The following OSCP1 variants were observed in gnomAD, a reference collection of about 807,000 sequenced individuals.
The protein encoded by OSCP1 is protein OSCP1.
OSCP1 carries 35 observed loss-of-function variants against 45.1 expected under a neutral mutation model. The observed-to-expected ratio is 0.78, with a 90% CI of 0.59 to 1.03. The LOEUF is 1.03. OSCP1 is among the 50% of genes least tolerant of loss of function. The pLI, the probability that OSCP1 is intolerant of heterozygous loss-of-function variation, is 0.00. For missense variants in OSCP1, 400 were observed against 470.7 expected (o/e 0.85, Z 1.39); for synonymous variants, 179 against 180.1 (o/e 0.99, Z 0.05).
At chr1:36,439,018 G>T (rs1648953139) in intron 1 of OSCP1, 108 bp from the exon 2 acceptor site, 25 of 1,245,410 alleles carry the variant, frequency 2.0e-5, no homozygotes, top group Non-Finnish European at 2.5e-5. Flanking sequence ...TACAGAATTG[G>T]GATGCTGTAT....
intron 5 of OSCP1, 83 bp from the exon 6 acceptor site, chr1:36,422,979 C>CA: frequency 1.7e-6 from 2 of 1,195,146 alleles, no homozygotes; most frequent in Middle Eastern, 2.4e-4. Flanking sequence ...TACTACAGAA[C>CA]AAAAAAGGAA....
chr1:36,427,241 C>G (rs1420569594), intron 4 of OSCP1, among the ~76,000 whole-genome samples: 4 of 150,650 alleles, frequency 2.7e-5, no homozygotes, highest in African/African-American at 9.8e-5. Flanking sequence ...ACCTCATGAT[C>G]CACCTGCCTT....
chr1:36,450,425 C>G lies in OSCP1; in HGVS notation c.-56G>C. On this transcript the variant is annotated 5_prime_UTR_variant, in exon 1 of 10. Coordinates refer to ENST00000235532, the MANE Select transcript of OSCP1 (RefSeq NM_145047.5). ...GCCCCGGGGTTCGGTAGCCAGTGGC[C>G]TGAAGGCCAGGCCGCAGCGTCCCAA... 2 of 1,443,034 alleles carry G rather than the reference C, an allele frequency of 1.4e-6. No individual in the cohort carries two copies. The highest frequency in any genetic ancestry group is 1.9e-6 in the Non-Finnish European group (2 of 1,028,070). The allele number at this position is 1,443,034 out of a possible 1,614,324, so 89.4% of individuals were successfully genotyped here. A position where few individuals can be genotyped will look rare whatever the true frequency, so the allele number is the denominator to read the frequency against.
At chr1:36,448,996 T>C (rs1391987583) in intron 1 of OSCP1, among the ~76,000 whole-genome samples, 8 of 152,186 alleles carry the variant, frequency 5.3e-5, no homozygotes, top group Middle Eastern at 3.2e-3. Context: ...GGGTATGTTA[T>C]AGGGAGTTAT....
chr1:36,441,840 C>T (rs1261875983), intron 1 of OSCP1, among the ~76,000 whole-genome samples: 1 of 151,908 alleles, frequency 6.6e-6, no homozygotes. Context: ...ATCAGACCCG[C>T]CCATTAGTCT....
rs71053929 is a variant in OSCP1 at position 36,427,299 on chromosome 1, C to CTTTTTTTTTTTTTT, written c.517-3847_517-3834dup. 1.4e-3 allele frequency among the ~76,000 whole-genome samples: 137 copies of CTTTTTTTTTTTTTT among 96,286 alleles called. 7 individuals are homozygous for CTTTTTTTTTTTTTT. Among genetic ancestry groups the CTTTTTTTTTTTTTT allele is most frequent in the Middle Eastern group, 9.6e-3 (1 of 104 alleles). 63.2% of individuals were successfully genotyped at this position (96,286 alleles called of 152,430 possible). ...ACAGGCGTGAGCCATGGCGCCTGGC[C>CTTTTTTTTTTTTTT]TTTTTTTTTTTTTTTGACACAGAGT... On this transcript the variant is annotated intron_variant, in intron 4 of 9. Coordinates refer to ENST00000235532, the MANE Select transcript of OSCP1 (RefSeq NM_145047.5).
intron 4 of OSCP1, among the ~76,000 whole-genome samples, chr1:36,424,216 C>T (rs1160257339): frequency 1.3e-5 from 2 of 152,212 alleles, no homozygotes; most frequent in Admixed American, 6.5e-5. Context: ...GCTGGGATTA[C>T]AGGCGTGAGC....
intron 1 of OSCP1, 149 bp downstream of exon 1, chr1:36,450,109 G>A: frequency 1.6e-6 from 1 of 638,984 alleles, no homozygotes. Flanking sequence ...CTCCCGAGGG[G>A]CTCCAAATGG....
chr1:36,443,945 A>G (rs1458535949), intron 1 of OSCP1: 56 of 1,561,872 alleles, frequency 3.6e-5, no homozygotes, highest in Non-Finnish European at 4.8e-5. Context: ...CCCTGCTGAT[A>G]AAGGCCTGAG....
Position 36,423,403 on chromosome 1 carries a change from C to G in OSCP1, c.580G>C (p.Gly194Arg). The change falls in exon 5 of 10, where the codon GGG (glycine) becomes CGG (arginine). Residue 194 changes from glycine (G) to arginine (R), a missense_variant. Coordinates refer to ENST00000235532, the MANE Select transcript of OSCP1 (RefSeq NM_145047.5). ...ACTTCAGTTCCCCAAGGAACAGGCC[C>G]GGACACCGGCAACACAAAGCGACCG... ...NNGRFVLPVS[G>R]PVPWGTEVPG... is the part of the protein sequence containing the mutation. 1 of 1,613,714 alleles carries G rather than the reference C, an allele frequency of 6.2e-7. No individual in the cohort carries two copies. Among genetic ancestry groups the G allele is most frequent in the Non-Finnish European group, 8.5e-7 (1 of 1,179,720 alleles).
At chr1:36,428,720 G>A (rs1486420363) in intron 4 of OSCP1, among the ~76,000 whole-genome samples, 7 of 151,858 alleles carry the variant, frequency 4.6e-5, no homozygotes, top group African/African-American at 1.5e-4. Flanking sequence ...TGAGGCGGGC[G>A]GATCGCCTGA....
Sources: gnomAD v4.1 joint callset for allele counts (sites outside exome capture counted in the v4.1 genomes callset) on GRCh38, gnomAD v4.1.1 for gene constraint, MANE v1.5 for transcripts, NCBI Gene and HGNC (gene_info 2026-07-23, HGNC 2026-07-21) for gene names.